Variants in PSMC5 observed in about 807,000 individuals in gnomAD.
PSMC5 encodes the protein 26S proteasome regulatory subunit 8.
PSMC5 carries 11 observed loss-of-function variants against 49.1 expected under a neutral mutation model. The observed-to-expected ratio is 0.22, with a 90% confidence interval of 0.14 to 0.37. The LOEUF is 0.37. Among genes scored for constraint, PSMC5 ranks in the 10% least tolerant of loss-of-function variants. The probability of loss-of-function intolerance (pLI) is 1.00; values close to 1 mark genes in which losing one functional copy is unlikely to be tolerated. For missense variants in PSMC5, 229 were observed against 520.9 expected (o/e 0.44, Z 5.45); for synonymous variants, 206 against 192.2 (o/e 1.07, Z -0.59).
chr17:63,830,206 AGGT>A lies in PSMC5; in HGVS notation c.321+32_321+34del, dbSNP rs754178099. On this transcript the variant is annotated intron_variant, in intron 5 of 11. Transcript: ENST00000310144. This position sits in a 1 kb window ranked among gnomAD's most constrained non-coding sequence, Gnocchi z 4.0. ...ATCAATGATGTGAGTGTAGCAGGTG[AGGT>A]GGTGGTGGTGGTGGGGTCAGCTCTT... 12 of 1,613,384 alleles carry A rather than the reference AGGT, an allele frequency of 7.4e-6. No individual in the cohort carries two copies. Among genetic ancestry groups the A allele is most frequent in the South Asian group, 2.2e-5 (2 of 91,026 alleles).
At chr17:63,828,573 G>A (rs945249797) in intron 2 of PSMC5, 1 of 208,976 alleles carries the variant, frequency 4.8e-6, no homozygotes, top group African/African-American at 2.3e-5. Flanking sequence ...GGTTGGGTGA[G>A]GGTGAAGTGA....
At chr17:63,828,287 C>A in intron 2 of PSMC5, 78 bp downstream of exon 2, 2 of 1,426,322 alleles carry the variant, frequency 1.4e-6, no homozygotes, top group Non-Finnish European at 9.8e-7. Context: ...CCATCTAATT[C>A]CTTTGGGAGT....
intron 1 of PSMC5, 96 bp from the exon 2 acceptor site, chr17:63,828,040 AAG>A: frequency 6.9e-7 from 1 of 1,450,048 alleles, no homozygotes; most frequent in East Asian, 2.3e-5. Flanking sequence ...CTACTACGCA[AAG>A]CTACCTGGTG....
chr17:63,829,801 G>A lies in PSMC5; in HGVS notation c.167-51G>A. ...GCTCATGCACGTAGAATTGGGTCCTGGAGACTCCAAAGGAGTAGCTAGGTG... is the reference window on the plus strand; with the variant it reads ...GCTCATGCACGTAGAATTGGGTCCTAGAGACTCCAAAGGAGTAGCTAGGTG... On this transcript the variant is annotated intron_variant, in intron 3 of 11. Coordinates refer to ENST00000310144, the MANE Select transcript of PSMC5 (RefSeq NM_002805.6). 3.2e-6 allele frequency: 5 copies of A among 1,572,074 alleles called. No individual in the cohort carries two copies. In the South Asian group the frequency reaches 4.4e-5, roughly 14 times the overall value.
intron 1 of PSMC5, 132 bp from the exon 2 acceptor site, chr17:63,828,006 G>C: frequency 1.5e-6 from 2 of 1,309,638 alleles, no homozygotes; most frequent in Non-Finnish European, 1.1e-6. Context: ...CCCAGATCCT[G>C]AGCCTCCGAA....
In PSMC5 at chr17:63,829,503, AATG is replaced by A. The variant is rs1404417322; in HGVS notation, c.109_111del (p.Asp37del). On this transcript the variant is annotated inframe_deletion, in exon 3 of 12. Coordinates refer to ENST00000310144, the MANE Select transcript of PSMC5 (RefSeq NM_002805.6). ...CTCTTGTCTGCCACAGCTGATTGTGAATGATAAGAGCCAAAACCTCCGGAGGCT... is the reference window on the plus strand; with the variant it reads ...CTCTTGTCTGCCACAGCTGATTGTGAATAAGAGCCAAAACCTCCGGAGGCT... 1 of 1,554,464 alleles carries A rather than the reference AATG, an allele frequency of 6.4e-7. No individual in the cohort carries two copies. Among genetic ancestry groups the A allele is most frequent in the Middle Eastern group, 1.7e-4 (1 of 5,994 alleles).
Position 63,830,042 on chromosome 17 carries a change from T to G in PSMC5, c.265-91T>G. 2.5e-6 allele frequency: 4 copies of G among 1,569,590 alleles called. No homozygotes were observed. The highest frequency in any genetic ancestry group is 3.5e-6 in the Non-Finnish European group (4 of 1,153,294). On this transcript the variant is annotated intron_variant, in intron 4 of 11. Coordinates refer to ENST00000310144, the MANE Select transcript of PSMC5 (RefSeq NM_002805.6). This position sits in a 1 kb window ranked among gnomAD's most constrained non-coding sequence, Gnocchi z 4.0. ...TCGGGAGACAGGGTTCTGTGTTCTGTCAAGGTATTGTGGGATTCTCATAGG... is the reference window on the plus strand; with the variant it reads ...TCGGGAGACAGGGTTCTGTGTTCTGGCAAGGTATTGTGGGATTCTCATAGG...
intron 2 of PSMC5, chr17:63,828,436 C>T (rs1015676733): frequency 1.1e-5 from 5 of 438,334 alleles, no homozygotes; most frequent in Admixed American, 4.0e-5. Flanking sequence ...TGTTACACAT[C>T]TTCGAGTCAA....
intron 1 of PSMC5, 102 bp from the exon 2 acceptor site, chr17:63,828,036 C>T: frequency 7.0e-7 from 1 of 1,428,118 alleles, no homozygotes; most frequent in East Asian, 2.3e-5. Flanking sequence ...TTTTCTACTA[C>T]GCAAAGCTAC....
chr17:63,829,590 A>C, intron 3 of PSMC5, 27 bp downstream of exon 3: 1 of 1,551,070 alleles, frequency 6.4e-7, no homozygotes, highest in Non-Finnish European at 8.7e-7. Context: ...GGGAAGCCGC[A>C]TGTGGGCAGT....
chr17:63,830,847 ACT>A lies in PSMC5; in HGVS notation c.592_593del (p.Leu198ValfsTer20). On this transcript the variant is annotated frameshift_variant, in exon 7 of 12. Transcript: ENST00000310144. LOFTEE classifies it high-confidence loss of function. The surrounding 1 kb of genome is among the most constrained non-coding windows in gnomAD (Gnocchi z 4.0). ...LYGPPGTGKTLLARAVAHHTD... is the reference protein window; with the variant it reads ...LYGPPGTGKTXLARAVAHHTD... ...ATGGACCTCCAGGCACTGGGAAGAC[ACT>A]GTTGGCCCGGGCTGTGGCTCATCAT... 6.2e-7 allele frequency: 1 copy of A among 1,614,040 alleles called. No individual in the cohort carries two copies. Among genetic ancestry groups the A allele is most frequent in the Non-Finnish European group, 8.5e-7 (1 of 1,179,982 alleles).
At chr17:63,829,595 G>C in intron 3 of PSMC5, 32 bp downstream of exon 3, 2 of 1,549,848 alleles carry the variant, frequency 1.3e-6, no homozygotes, top group Middle Eastern at 3.3e-4. Context: ...GCCGCATGTG[G>C]GCAGTTTGTC....
In PSMC5 at chr17:63,830,599, G is replaced by T. The variant is rs1372904809; in HGVS notation, c.552+98G>T. ...GGTTGGGGAGGCACCGGGATAGGCT[G>T]CATCTTGCTTGGGCTGGCCCTCCCC... On this transcript the variant is annotated intron_variant, in intron 6 of 11. Coordinates refer to ENST00000310144, the MANE Select transcript of PSMC5 (RefSeq NM_002805.6). The surrounding 1 kb of genome is among the most constrained non-coding windows in gnomAD (Gnocchi z 4.0). 1.3e-6 allele frequency: 2 copies of T among 1,524,970 alleles called. No individual in the cohort carries two copies. The highest frequency in any genetic ancestry group is 1.8e-6 in the Non-Finnish European group (2 of 1,137,648). The allele number at this position is 1,524,970 out of a possible 1,614,324, so 94.5% of individuals were successfully genotyped here. A position where few individuals can be genotyped will look rare whatever the true frequency, so the allele number is the denominator to read the frequency against.
rs772459737 is a variant in PSMC5, at chr17:63,830,144, A to G, written c.276A>G (p.Glu92=). 6.2e-7 allele frequency: 1 copy of G among 1,614,030 alleles called. No homozygotes were observed. Among genetic ancestry groups the G allele is most frequent in the Non-Finnish European group, 8.5e-7 (1 of 1,179,966 alleles). ...KKKVLVKVHP[E]GKFVVDVDKN... ...CCTTGTTTCTTTAGGTACATCCTGA[A>G]GGTAAATTTGTTGTAGACGTGGACA... Residue 92 remains glutamate (E), a synonymous_variant, in exon 5 of 12, where the codon GAA becomes GAG. Coordinates refer to ENST00000310144, the MANE Select transcript of PSMC5 (RefSeq NM_002805.6). The surrounding 1 kb of genome is among the most constrained non-coding windows in gnomAD (Gnocchi z 4.0).
chr17:63,830,708 G>A lies in PSMC5; in HGVS notation c.553-101G>A, dbSNP rs1383939195. On this transcript the variant is annotated intron_variant, in intron 6 of 11. Transcript: ENST00000310144. This position sits in a 1 kb window ranked among gnomAD's most constrained non-coding sequence, Gnocchi z 4.0. ...ACCTTGATGTTCCTTTTTTTTTTTT[G>A]TATCCCTAACATCTAGCAAGGGACC... The A allele has an allele frequency of 2.3e-6, 3 of 1,305,356 alleles. No homozygotes were observed. Among genetic ancestry groups the A allele is most frequent in the Non-Finnish European group, 3.1e-6 (3 of 982,748 alleles). The allele number at this position is 1,305,356 out of a possible 1,614,324, so 80.9% of individuals were successfully genotyped here.
Position 63,829,551 on chromosome 17 carries a change from C to G in PSMC5, c.154C>G (p.Leu52Val), listed in dbSNP as rs567104866. The G allele has an allele frequency of 7.1e-6, 11 of 1,554,378 alleles. No individual in the cohort carries two copies. The highest frequency in any genetic ancestry group is 8.7e-7 in the Non-Finnish European group (1 of 1,148,454). The change falls in exon 3 of 12, where the codon CTA becomes GTA. Residue 52 changes from leucine (L) to valine (V), a missense_variant. Coordinates refer to ENST00000310144, the MANE Select transcript of PSMC5 (RefSeq NM_002805.6). ...GAGGCTGCAGGCACAGAGGAACGAA[C>G]TAAATGCTAAAGGTGAGTGGAGAAA... is the stretch of plus-strand genomic sequence containing the variant. ...LRRLQAQRNE[L>V]NAKVRLLREE...
In PSMC5 at chr17:63,828,146, G is replaced by C. The variant is rs1451409868; in HGVS notation, c.33G>C (p.Leu11=). The change falls in exon 2 of 12, where the codon CTG becomes CTC. Residue 11 remains leucine, a synonymous_variant. Coordinates refer to ENST00000310144, the MANE Select transcript of PSMC5 (RefSeq NM_002805.6). ...TCACTCTGTGTCTTCAGATGGAGCT[G>C]GAGGAGGGGAAGGCAGGCAGCGGAC... MALDGPEQME[L]EEGKAGSGLR... is the part of the protein sequence containing the mutation. 6.2e-7 allele frequency: 1 copy of C among 1,614,106 alleles called. No homozygotes were observed. The highest frequency in any genetic ancestry group is 1.1e-5 in the South Asian group (1 of 91,072).
At position 63,831,058 on chromosome 17, in the gene PSMC5, G is replaced by A; in HGVS notation, c.702G>A (p.Leu234=). Residue 234 remains leucine (L), a synonymous_variant, in exon 8 of 12, where the codon CTG becomes CTA. Transcript: ENST00000310144. This position sits in a 1 kb window ranked among gnomAD's most constrained non-coding sequence, Gnocchi z 6.3. ...CAGGGGCAAGAATGGTGAGGGAGCT[G>A]TTTGTCATGGCACGGGAACATGCTC... is the stretch of plus-strand genomic sequence containing the variant. The part of the protein sequence containing the change: ...IGEGARMVRE[L]FVMAREHAPS... 1.3e-6 allele frequency: 2 copies of A among 1,566,628 alleles called. No individual in the cohort carries two copies. Among genetic ancestry groups the A allele is most frequent in the East Asian group, 2.3e-5 (1 of 44,314 alleles).
At chr17:63,827,879 C>T (rs1460783485) in intron 1 of PSMC5, 2 of 1,426,228 alleles carry the variant, frequency 1.4e-6, no homozygotes, top group East Asian at 2.5e-5. Flanking sequence ...AAGCGCCCCC[C>T]GTCTATATCA....
Sources: allele counts gnomAD v4.1 joint callset, GRCh38; gene constraint gnomAD v4.1.1; non-coding constraint Gnocchi (gnomAD v3.1); transcripts MANE v1.5; gene names NCBI Gene and HGNC (gene_info 2026-07-23, HGNC 2026-07-21).